Variants in GPR179 observed in about 807,000 individuals in gnomAD.
The protein encoded by GPR179 is G protein-coupled receptor 179, also known as probable G protein-coupled receptor 179.
Under a neutral mutation model 70.8 loss-of-function variants are expected in GPR179, and 52 were observed. That is an observed-to-expected ratio of 0.73 (90% CI 0.59 to 0.93). The LOEUF (loss-of-function observed/expected upper bound fraction) is 0.93, where lower values mean the gene tolerates loss of function less well. GPR179 is among the 40% of genes least tolerant of loss of function. The pLI, the probability that GPR179 is intolerant of heterozygous loss-of-function variation, is 0.00. For synonymous variants in GPR179, 1,123 were observed against 1,169.0 expected, an observed-to-expected ratio of 0.96 and a Z score of 0.80; for missense variants, 2,734 against 2,966.8, an observed-to-expected ratio of 0.92 and a Z score of 1.82.
At chr17:38,338,696 C>T (rs549898398) in intron 2 of GPR179, among the ~76,000 whole-genome samples, 3 of 152,238 alleles carry the variant, frequency 2.0e-5, no homozygotes, top group Non-Finnish European at 2.9e-5. Flanking sequence ...CCCACCAGCC[C>T]CAGCAGGCCA....
chr17:38,333,852 G>A (rs1567725106), intron 9 of GPR179, 81 bp downstream of exon 9: 2 of 1,064,426 alleles, frequency 1.9e-6, no homozygotes, highest in East Asian at 5.0e-5. Flanking sequence ...GCCTGCAGAG[G>A]GCGCTGCGGG....
chr17:38,335,816 T>A, intron 5 of GPR179, 116 bp from the exon 6 acceptor site: 1 of 725,656 alleles, frequency 1.4e-6, no homozygotes, highest in Non-Finnish European at 2.5e-6. Flanking sequence ...ATCACCACCT[T>A]CATTCTGCAG....
Position 38,330,231 on chromosome 17 carries a change from C to T in GPR179, c.3338G>A (p.Gly1113Glu). ...EKESVEESPE[G>E]QNSGTAGESM... ...CTCTCCCGCAGTCCCGCTGTTCTGC[C>T]CCTCGGGACTCTCCTCCACACTCTC... The change falls in exon 11 of 11, where the codon GGG (glycine) becomes GAG (glutamate). Residue 1113 changes from glycine (G) to glutamate (E), a missense_variant. Physicochemically the swap from Gly to Glu is moderately conservative, Grantham distance 98. Transcript: ENST00000616987. 6.3e-7 allele frequency: 1 copy of T among 1,576,182 alleles called. No individual in the cohort carries two copies. The highest frequency in any genetic ancestry group is 8.6e-7 in the Non-Finnish European group (1 of 1,159,418).
In GPR179 at chr17:38,331,301, G is replaced by C. The variant is rs1172945960; in HGVS notation, c.2268C>G (p.Ser756Arg). 1.2e-6 allele frequency: 2 copies of C among 1,602,420 alleles called. No homozygotes were observed. Reference sequence around the variant, plus strand: ...TCCCCTCGGGTTCCTGGAGGCTGGAGCTGAGGAGCCGGCGGCGGGAGGAGC... The same window carrying C: ...TCCCCTCGGGTTCCTGGAGGCTGGACCTGAGGAGCCGGCGGCGGGAGGAGC... ...LPGSSRRRLLSSSLQEPEGTP... is the reference protein window; with the variant it reads ...LPGSSRRRLLRSSLQEPEGTP... Residue 756 changes from serine to arginine, a missense_variant, in exon 11 of 11, where the codon AGC becomes AGG. Transcript: ENST00000616987.
In GPR179 at chr17:38,330,986, C is replaced by T. The variant is rs371135458; in HGVS notation, c.2583G>A (p.Glu861=). ...CCCGCTCCTTTGCTTGCCGGTAGGT[C>T]TCCTCCAGGTAGGCCTGGCTGGCCA... ...LLMASQAYLE[E]TYRQAKEREE... The change falls in exon 11 of 11, where the codon GAG becomes GAA. Residue 861 remains glutamate, a synonymous_variant. Coordinates refer to ENST00000616987, the MANE Select transcript of GPR179 (RefSeq NM_001004334.4). 1.2e-6 allele frequency: 2 copies of T among 1,612,206 alleles called. No individual in the cohort carries two copies.
rs1266129237 is a variant in GPR179, at chr17:38,330,854, A to T, written c.2715T>A (p.Pro905=). The change falls in exon 11 of 11, where the codon CCT becomes CCA. Residue 905 remains proline, a synonymous_variant. Coordinates refer to ENST00000616987, the MANE Select transcript of GPR179 (RefSeq NM_001004334.4). ...RGAPLSAPPS[P]AKSSSVDSSH... ...AGCTGTCCACGCTGCTGCTCTTGGC[A>T]GGGGAAGGTGGAGCTGACAGGGGGG... The T allele has an allele frequency of 3.7e-6, 6 of 1,602,516 alleles. No homozygotes were observed. In the Admixed American group the frequency reaches 8.6e-5, roughly 23 times the overall value.
chr17:38,337,851 C>A, intron 2 of GPR179, 131 bp from the exon 3 acceptor site: 1 of 727,956 alleles, frequency 1.4e-6, no homozygotes. Flanking sequence ...GGAATCCCTC[C>A]AGAAGCCCTC....
intron 2 of GPR179, among the ~76,000 whole-genome samples, chr17:38,338,162 C>A (rs996951959): frequency 1.5e-4 from 23 of 152,216 alleles, no homozygotes; most frequent in Admixed American, 5.9e-4. Context: ...GAAAGGCCCC[C>A]CACGGAGGAG....
At position 38,335,291 on chromosome 17, in the gene GPR179, C is replaced by T; in HGVS notation, c.1407-20G>A. The T allele has an allele frequency of 6.5e-7, 1 of 1,529,490 alleles. No individual in the cohort carries two copies. Among genetic ancestry groups the T allele is most frequent in the South Asian group, 1.2e-5 (1 of 83,382 alleles). 94.7% of individuals were successfully genotyped at this position (1,529,490 alleles called of 1,614,324 possible). A position where few individuals can be genotyped will look rare whatever the true frequency, so the allele number is the denominator to read the frequency against. On this transcript the variant is annotated intron_variant, in intron 6 of 10. Coordinates refer to ENST00000616987, the MANE Select transcript of GPR179 (RefSeq NM_001004334.4). ...AGCACTCTGCGAGGGTTAGAATACACAGGGTGGATGGCAGGGACCTGGGTG... is the reference window on the plus strand; with the variant it reads ...AGCACTCTGCGAGGGTTAGAATACATAGGGTGGATGGCAGGGACCTGGGTG...
At position 38,327,335 on chromosome 17, in the gene GPR179, C is replaced by T. The variant is rs1439603068; in HGVS notation, c.6234G>A (p.Glu2078=). ...FRQQEAVCPW[E]SQDGKGLSPQ... ...GGGACAGACCCTTGCCATCTTGACT[C>T]TCCCAGGGACACACAGCCTCCTGCT... The change falls in exon 11 of 11, where the codon GAG becomes GAA. Residue 2078 remains glutamate, a synonymous_variant. Coordinates refer to ENST00000616987, the MANE Select transcript of GPR179 (RefSeq NM_001004334.4). 6.2e-7 allele frequency: 1 copy of T among 1,614,240 alleles called. No individual in the cohort carries two copies. The highest frequency in any genetic ancestry group is 1.7e-5 in the Admixed American group (1 of 60,034).
chr17:38,327,831 T>G lies in GPR179; in HGVS notation c.5738A>C (p.Lys1913Thr). Residue 1913 changes from lysine to threonine, a missense_variant, in exon 11 of 11, where the codon AAG becomes ACG. Lys to Thr is a moderately conservative substitution (Grantham distance 78). Coordinates refer to ENST00000616987, the MANE Select transcript of GPR179 (RefSeq NM_001004334.4). ...AEGHSLEATE[K>T]GDLRQDPKTG... Reference sequence around the variant, plus strand: ...CTTTGGGTCTTGTCTCAGGTCCCCCTTCTCTGTTGCTTCCAAGGAATGTCC... The same window carrying G: ...CTTTGGGTCTTGTCTCAGGTCCCCCGTCTCTGTTGCTTCCAAGGAATGTCC... 6.2e-7 allele frequency: 1 copy of G among 1,614,204 alleles called. No individual in the cohort carries two copies. The highest frequency in any genetic ancestry group is 1.1e-5 in the South Asian group (1 of 91,090).
In GPR179 at chr17:38,335,252, A is replaced by G; in HGVS notation, c.1426T>C (p.Ser476Pro). ...AGGGCACTCCGCTGGGCCGTTCGAGACAGAAACAGCTGCAGCACTCTGCGA... is the reference window on the plus strand; with the variant it reads ...AGGGCACTCCGCTGGGCCGTTCGAGGCAGAAACAGCTGCAGCACTCTGCGA... ...KLYRVLQLFL[S>P]RTAQRSALLS... Residue 476 changes from serine to proline, a missense_variant, in exon 7 of 11, where the codon TCT becomes CCT. Ser to Pro is a moderately conservative substitution (Grantham distance 74). Coordinates refer to ENST00000616987, the MANE Select transcript of GPR179 (RefSeq NM_001004334.4). The G allele has an allele frequency of 6.4e-7, 1 of 1,551,112 alleles. No homozygotes were observed. The highest frequency in any genetic ancestry group is 1.2e-5 in the South Asian group (1 of 84,072).
rs954300625 is a variant in GPR179 at position 38,330,879 on chromosome 17, G to T, written c.2690C>A (p.Ala897Asp). The T allele has an allele frequency of 1.9e-6, 3 of 1,599,136 alleles. No individual in the cohort carries two copies. In the African/African-American group the frequency reaches 4.0e-5, roughly 21 times the overall value. The change falls in exon 11 of 11, where the codon GCC becomes GAC. Residue 897 changes from alanine to aspartate, a missense_variant. Ala to Asp is a moderately radical substitution (Grantham distance 126, BLOSUM62 -2). Transcript: ENST00000616987. ...AGGGGAAGGTGGAGCTGACAGGGGG[G>T]CCCCTCGAGGCCGCTCCAGCCTCCT... ...SARRLERPRG[A>D]PLSAPPSPAK...
chr17:38,336,365 A>G (rs543577646), intron 4 of GPR179, among the ~76,000 whole-genome samples: 2 of 152,108 alleles, frequency 1.3e-5, no homozygotes, highest in Non-Finnish European at 2.9e-5. Context: ...TCCCACACAC[A>G]CATCCCTGTG....
chr17:38,342,115 T>TC (rs1480225764), intron 1 of GPR179, among the ~76,000 whole-genome samples: 1 of 148,370 alleles, frequency 6.7e-6, no homozygotes, highest in Non-Finnish European at 1.5e-5. Context: ...AGACTCTGTC[T>TC]TGAAAAAAAA....
rs771131681 is a variant in GPR179, at chr17:38,328,633, C to T, written c.4936G>A (p.Glu1646Lys). 2 of 1,614,094 alleles carry T rather than the reference C, an allele frequency of 1.2e-6. No homozygotes were observed. The highest frequency in any genetic ancestry group is 2.7e-5 in the African/African-American group (2 of 74,920). ...EKPEGQIQKQ[E>K]AVGPWESVDP... ...ACACTCTCCCAGGGGCCGACCGCTTCTTGCTTTTGGATCTGCCCCTCAGGC... is the reference window on the plus strand; with the variant it reads ...ACACTCTCCCAGGGGCCGACCGCTTTTTGCTTTTGGATCTGCCCCTCAGGC... The change falls in exon 11 of 11, where the codon GAA (glutamate) becomes AAA (lysine). Residue 1646 changes from glutamate (E) to lysine (K), a missense_variant. Transcript: ENST00000616987.
chr17:38,343,559 A>T lies in GPR179; in HGVS notation c.231T>A (p.Ser77Arg). Residue 77 changes from serine to arginine, a missense_variant, in exon 1 of 11, where the codon AGT (serine) becomes AGA (arginine). Transcript: ENST00000616987. This position sits in a 1 kb window ranked among gnomAD's most constrained non-coding sequence, Gnocchi z 4.2. ...CTGCCCCACGCGCTTCATAGCGCTC[A>T]CTGCAATTCACCTGTGATAGCTGCT... is the stretch of plus-strand genomic sequence containing the variant. Reference protein sequence around the residue: ...DAQQLSQVNCSERYEARGAGA... With the variant: ...DAQQLSQVNCRERYEARGAGA... The T allele has an allele frequency of 6.2e-7, 1 of 1,613,792 alleles. No individual in the cohort carries two copies. The highest frequency in any genetic ancestry group is 1.3e-5 in the African/African-American group (1 of 75,054).
At chr17:38,332,850 G>A (rs2037371075) in intron 10 of GPR179, among the ~76,000 whole-genome samples, 1 of 152,236 alleles carries the variant, frequency 6.6e-6, no homozygotes, top group Admixed American at 6.5e-5. Flanking sequence ...CAAGTGATCC[G>A]CCTGCCTTGG....
In GPR179 at chr17:38,330,879, GC is replaced by G; in HGVS notation, c.2689del (p.Ala897ProfsTer72). 6.3e-7 allele frequency: 1 copy of G among 1,599,136 alleles called. No individual in the cohort carries two copies. Reference sequence around the variant, plus strand: ...AGGGGAAGGTGGAGCTGACAGGGGGGCCCCTCGAGGCCGCTCCAGCCTCCTG... The same window carrying G: ...AGGGGAAGGTGGAGCTGACAGGGGGGCCCTCGAGGCCGCTCCAGCCTCCTG... ...SARRLERPRG[A>X]PLSAPPSPAK... On this transcript the variant is annotated frameshift_variant, in exon 11 of 11. Transcript: ENST00000616987. LOFTEE classifies it low-confidence loss of function (END_TRUNC).
Sources: allele counts gnomAD v4.1 joint callset (sites outside exome capture counted in the v4.1 genomes callset), GRCh38; gene constraint gnomAD v4.1.1; non-coding constraint Gnocchi (gnomAD v3.1); transcripts MANE v1.5; gene names NCBI Gene and HGNC (gene_info 2026-07-23, HGNC 2026-07-21).